The following GSG1L variants were observed in gnomAD, a reference collection of about 807,000 sequenced individuals.
GSG1L encodes the protein germ cell-specific gene 1-like protein.
A neutral mutation model predicts 42.1 loss-of-function variants in GSG1L; 24 were observed. The ratio of observed to expected loss-of-function variants is 0.57; its 90% CI spans 0.41 to 0.80. GSG1L has a LOEUF of 0.80. Ranked by LOEUF, GSG1L falls within the 30% of genes least tolerant of loss-of-function variation. GSG1L has a pLI of 0.00. For missense variants in GSG1L, 445 were observed against 472.2 expected, an observed-to-expected ratio of 0.94 and a Z score of 0.53; for synonymous variants, 215 against 203.5, an observed-to-expected ratio of 1.06 and a Z score of -0.48.
At chr16:27,810,403 G>C (rs193119692) in intron 5 of GSG1L, among the ~76,000 whole-genome samples, 7 of 152,220 alleles carry the variant, frequency 4.6e-5, no homozygotes, top group Non-Finnish European at 1.0e-4. Context: ...CCAGGAGACA[G>C]AGGCTACGGT....
chr16:27,891,352 T>C (rs990843006), intron 2 of GSG1L, among the ~76,000 whole-genome samples: 4 of 152,210 alleles, frequency 2.6e-5, no homozygotes, highest in African/African-American at 9.6e-5. Flanking sequence ...AATAGGTCCT[T>C]AACACCTTTC....
At chr16:27,919,781 A>G (rs986671563) in intron 2 of GSG1L, among the ~76,000 whole-genome samples, 24 of 152,190 alleles carry the variant, frequency 1.6e-4, no homozygotes, top group African/African-American at 5.3e-4. Context: ...ATTACACCCT[A>G]GTTGATAATA....
chr16:27,925,673 AAGG>A (rs1447331487), intron 2 of GSG1L, among the ~76,000 whole-genome samples: 2 of 152,146 alleles, frequency 1.3e-5, no homozygotes, highest in African/African-American at 4.8e-5. Context: ...TGTTCACGGG[AAGG>A]AGGTGAGAGA....
chr16:27,933,222 G>A (rs1424608795), intron 2 of GSG1L, among the ~76,000 whole-genome samples: 1 of 152,068 alleles, frequency 6.6e-6, no homozygotes, highest in Non-Finnish European at 1.5e-5. Context: ...GACCATTCAG[G>A]ACCATAGCCT....
At chr16:27,865,056 C>T (rs989153191) in intron 3 of GSG1L, among the ~76,000 whole-genome samples, 3 of 152,204 alleles carry the variant, frequency 2.0e-5, no homozygotes, top group African/African-American at 7.2e-5. Context: ...TTGGAGTCAG[C>T]TGTGATGTCT....
intron 3 of GSG1L, among the ~76,000 whole-genome samples, chr16:27,848,994 G>A (rs1459294183): frequency 2.0e-5 from 3 of 152,100 alleles, no homozygotes; most frequent in Non-Finnish European, 2.9e-5. Flanking sequence ...TCAGGGGTTC[G>A]AAACCAGCCT....
intron 3 of GSG1L, among the ~76,000 whole-genome samples, chr16:27,869,495 CTCTCTCTCTG>C (rs1050320885): frequency 3.4e-5 from 5 of 148,138 alleles, no homozygotes; most frequent in African/African-American, 1.3e-4. Context: ...CTCTCCTTCT[CTCTCTCTCTG>C]TCTCTGTCTC....
chr16:27,954,158 C>T (rs1398852905), intron 2 of GSG1L, among the ~76,000 whole-genome samples: 1 of 152,032 alleles, frequency 6.6e-6, no homozygotes, highest in Non-Finnish European at 1.5e-5. Flanking sequence ...AAAGTCAAAC[C>T]TGGGATTGAA....
chr16:27,802,077 T>A (rs1248306912), intron 6 of GSG1L, among the ~76,000 whole-genome samples: 1 of 152,048 alleles, frequency 6.6e-6, no homozygotes, highest in Non-Finnish European at 1.5e-5. Flanking sequence ...CTGCACCCCA[T>A]GTCATCCTGA....
chr16:28,046,139 T>C (rs2086155325), intron 1 of GSG1L, among the ~76,000 whole-genome samples: 1 of 152,042 alleles, frequency 6.6e-6, no homozygotes, highest in Non-Finnish European at 1.5e-5. Context: ...GGAACAAAAA[T>C]TGGGGCTGAC....
At chr16:28,051,470 C>T (rs545011090) in intron 1 of GSG1L, among the ~76,000 whole-genome samples, 3 of 148,358 alleles carry the variant, frequency 2.0e-5, no homozygotes, top group African/African-American at 7.5e-5. Flanking sequence ...TGAGGTAGAT[C>T]GAGCAATTGG....
At chr16:27,950,114 C>T (rs1408858533) in intron 2 of GSG1L, among the ~76,000 whole-genome samples, 3 of 152,180 alleles carry the variant, frequency 2.0e-5, no homozygotes, top group African/African-American at 4.8e-5. Context: ...CCCAACCCTA[C>T]GCCATCATAG....
intron 1 of GSG1L, among the ~76,000 whole-genome samples, chr16:28,031,712 T>A (rs1420982197): frequency 6.6e-6 from 1 of 152,150 alleles, no homozygotes; most frequent in Non-Finnish European, 1.5e-5. Flanking sequence ...ACAGGCTCAG[T>A]TCTGACCCCA....
intron 1 of GSG1L, among the ~76,000 whole-genome samples, chr16:28,011,567 G>A (rs1327792739): frequency 1.3e-5 from 2 of 152,238 alleles, no homozygotes; most frequent in Non-Finnish European, 2.9e-5. Flanking sequence ...TGTCGTCCAA[G>A]AGAAGTCAGA....
At chr16:27,945,133 G>A (rs138570647) in intron 2 of GSG1L, among the ~76,000 whole-genome samples, 1 of 151,786 alleles carries the variant, frequency 6.6e-6, no homozygotes, top group Admixed American at 6.6e-5. Flanking sequence ...GGAGGTGGGA[G>A]GATTGAGGGG....
intron 2 of GSG1L, among the ~76,000 whole-genome samples, chr16:27,923,753 A>G (rs58720115): frequency 0.35 from 48,493 of 136,748 alleles, 8,600 homozygotes; most frequent in African/African-American, 0.43. Flanking sequence ...AAAAAGGAAG[A>G]AAGAAAGAAA....
chr16:27,937,222 C>A (rs947266902), intron 2 of GSG1L, among the ~76,000 whole-genome samples: 1 of 151,296 alleles, frequency 6.6e-6, no homozygotes, highest in Admixed American at 6.6e-5. Flanking sequence ...GAGAAGCCAG[C>A]GGTCTTTCTC....
chr16:27,989,441 T>C (rs1323196155), intron 1 of GSG1L, among the ~76,000 whole-genome samples: 2 of 152,044 alleles, frequency 1.3e-5, no homozygotes, highest in East Asian at 3.9e-4. Flanking sequence ...GCTTATTTGT[T>C]ATGTTAAAAT....
intron 2 of GSG1L, among the ~76,000 whole-genome samples, chr16:27,903,142 G>A (rs994447580): frequency 6.6e-6 from 1 of 152,090 alleles, no homozygotes; most frequent in African/African-American, 2.4e-5. Flanking sequence ...CAAGAAGAAC[G>A]AGACCCAGGG....
Sources: gnomAD v4.1 joint callset for allele counts (sites outside exome capture counted in the v4.1 genomes callset) on GRCh38, gnomAD v4.1.1 for gene constraint, MANE v1.5 for transcripts, NCBI Gene and HGNC (gene_info 2026-07-23, HGNC 2026-07-21) for gene names.